METTL24: variants seen among roughly 807,000 people sequenced by gnomAD.
METTL24 encodes probable methyltransferase-like protein 24.
METTL24 carries 29 observed loss-of-function variants against 32.7 expected under a neutral mutation model. That is an observed-to-expected ratio of 0.89 (90% CI 0.66 to 1.21). METTL24 has a LOEUF of 1.21. Among genes scored for constraint, METTL24 ranks in the 50% most tolerant of loss-of-function variants. The pLI, the probability that METTL24 is intolerant of heterozygous loss-of-function variation, is 0.00. For missense variants in METTL24, 439 were observed against 468.1 expected (o/e 0.94, Z 0.57); for synonymous variants, 163 against 179.5 (o/e 0.91, Z 0.73).
rs145945852 is a variant in METTL24, at chr6:110,250,365, G to A, written c.787-4105C>T. Among the ~76,000 whole-genome samples, 17 of 151,964 alleles carry A rather than the reference G, an allele frequency of 1.1e-4. No individual in the cohort carries two copies. The East Asian group carries it at 3.3e-3, about 29-fold the overall frequency. ...TTCATCTTCACATGGTGTTCTCTCT[G>A]TGTGTCCAAATTTCCTCTTTTTATA... On this transcript the variant is annotated intron_variant, in intron 4 of 4. Coordinates refer to ENST00000338882, the MANE Select transcript of METTL24 (RefSeq NM_001123364.3).
rs1056133765 is a variant in METTL24, at chr6:110,320,434, G to A, written c.417+2340C>T. 3.3e-5 allele frequency among the ~76,000 whole-genome samples: 5 copies of A among 152,256 alleles called. No homozygotes were observed. The East Asian group carries it at 9.7e-4, about 30-fold the overall frequency. On this transcript the variant is annotated intron_variant, in intron 2 of 4. Coordinates refer to ENST00000338882, the MANE Select transcript of METTL24 (RefSeq NM_001123364.3). Reference sequence around the variant, plus strand: ...GGAGCATTGGTTAGTAAAAGATTCTGATTAAGAACCATTTAGTGTCATCTC... The same window carrying A: ...GGAGCATTGGTTAGTAAAAGATTCTAATTAAGAACCATTTAGTGTCATCTC...
rs148029077 is a variant in METTL24, at chr6:110,253,604, T to C, written c.787-7344A>G. Among the ~76,000 whole-genome samples, 1,163 of 152,272 alleles carry C rather than the reference T, an allele frequency of 7.6e-3. 8 individuals are homozygous for C. The highest frequency in any genetic ancestry group is 0.027 in the African/African-American group (1,111 of 41,546). On this transcript the variant is annotated intron_variant, in intron 4 of 4. Coordinates refer to ENST00000338882, the MANE Select transcript of METTL24 (RefSeq NM_001123364.3). ...CAATACATGGTCATTATTTAAAAAT[T>C]AAAATCATAGATAAACAAAAAAAGA...
At chr6:110,315,829 G>A (rs1771810173) in intron 2 of METTL24, among the ~76,000 whole-genome samples, 1 of 152,158 alleles carries the variant, frequency 6.6e-6, no homozygotes, top group Admixed American at 6.5e-5. Flanking sequence ...TAGTCCTGGA[G>A]GATGAACCGA....
chr6:110,307,366 C>A (rs1421716824), intron 3 of METTL24, among the ~76,000 whole-genome samples: 1 of 152,146 alleles, frequency 6.6e-6, no homozygotes, highest in Non-Finnish European at 1.5e-5. Context: ...AAATCATGTT[C>A]TGCTGCTATT....
intron 4 of METTL24, among the ~76,000 whole-genome samples, chr6:110,291,340 G>A (rs1481958313): frequency 1.3e-5 from 2 of 151,916 alleles, no homozygotes; most frequent in Admixed American, 6.6e-5. Flanking sequence ...TTATGTTTAG[G>A]TCTATGTTCC....
At chr6:110,301,866 T>TA (rs2114734266) in intron 3 of METTL24, among the ~76,000 whole-genome samples, 1 of 152,312 alleles carries the variant, frequency 6.6e-6, no homozygotes, top group Admixed American at 6.5e-5. Context: ...CAGAATATTG[T>TA]AGAACTCACC....
rs113847391 is a variant in METTL24 at position 110,286,728 on chromosome 6, T to G, written c.786+12194A>C. On this transcript the variant is annotated intron_variant, in intron 4 of 4. Coordinates refer to ENST00000338882, the MANE Select transcript of METTL24 (RefSeq NM_001123364.3). The stretch of plus-strand genomic sequence containing the variant: ...ATCCTGGGTGTGTCTGTGAGGGTGC[T>G]GCCAAAGGAGATTAACATTTGAGTC... Among the ~76,000 whole-genome samples the G allele has an allele frequency of 9.1e-3, 1,387 of 152,308 alleles. 27 individuals are homozygous for G. The highest frequency in any genetic ancestry group is 0.031 in the African/African-American group (1,274 of 41,566).
At chr6:110,277,467 C>A (rs1049410847) in intron 4 of METTL24, among the ~76,000 whole-genome samples, 6 of 152,160 alleles carry the variant, frequency 3.9e-5, no homozygotes, top group African/African-American at 1.4e-4. Flanking sequence ...GAATGTTATA[C>A]CCCTCCATGA....
chr6:110,302,615 G>GTA lies in METTL24; in HGVS notation c.558-3467_558-3466dup, dbSNP rs574227577. ...TATACACATATACACACACATATGT[G>GTA]TATATATATACACATATACACACAC... On this transcript the variant is annotated intron_variant, in intron 3 of 4. Coordinates refer to ENST00000338882, the MANE Select transcript of METTL24 (RefSeq NM_001123364.3). Among the ~76,000 whole-genome samples the GTA allele has an allele frequency of 6.2e-5, 5 of 81,018 alleles. 1 individual carries two copies. The highest frequency in any genetic ancestry group is 1.2e-4 in the African/African-American group (1 of 8,604). 53.2% of individuals were successfully genotyped at this position (81,018 alleles called of 152,430 possible).
intron 4 of METTL24, among the ~76,000 whole-genome samples, chr6:110,264,437 A>G (rs1370819489): frequency 1.3e-5 from 2 of 152,178 alleles, no homozygotes; most frequent in African/African-American, 4.8e-5. Context: ...ATCTCACACC[A>G]GTTAGAATGG....
intron 4 of METTL24, among the ~76,000 whole-genome samples, chr6:110,252,475 G>A (rs191079382): frequency 1.3e-5 from 2 of 152,180 alleles, no homozygotes; most frequent in African/African-American, 4.8e-5. Context: ...CTCCTTAAAG[G>A]CCCTATCTCT....
At chr6:110,261,392 G>T (rs544362819) in intron 4 of METTL24, among the ~76,000 whole-genome samples, 50 of 152,218 alleles carry the variant, frequency 3.3e-4, no homozygotes, top group Non-Finnish European at 6.5e-4. Context: ...AATAGCAAAG[G>T]TATCAATTCA....
chr6:110,332,956 G>A (rs1314648565), intron 1 of METTL24, among the ~76,000 whole-genome samples: 1 of 150,432 alleles, frequency 6.6e-6, no homozygotes, highest in African/African-American at 2.4e-5. Flanking sequence ...AGGGAATTTA[G>A]AAAAACACTA....
At chr6:110,256,777 T>C (rs557072234) in intron 4 of METTL24, among the ~76,000 whole-genome samples, 1 of 152,334 alleles carries the variant, frequency 6.6e-6, no homozygotes, top group African/African-American at 2.4e-5. Flanking sequence ...GTCTTGATTT[T>C]CAACTCTTTA....
intron 4 of METTL24, among the ~76,000 whole-genome samples, chr6:110,293,897 T>C (rs576839746): frequency 1.3e-5 from 2 of 150,310 alleles, no homozygotes; most frequent in Non-Finnish European, 3.0e-5. Context: ...GCTCTAATCT[T>C]TTTTTTTTAA....
intron 1 of METTL24, among the ~76,000 whole-genome samples, chr6:110,344,698 A>G (rs1297814314): frequency 6.6e-6 from 1 of 152,230 alleles, no homozygotes; most frequent in African/African-American, 2.4e-5. Flanking sequence ...TCTCTATTCA[A>G]TAAATGTTGT....
At chr6:110,289,961 C>G (rs926509412) in intron 4 of METTL24, among the ~76,000 whole-genome samples, 1 of 151,882 alleles carries the variant, frequency 6.6e-6, no homozygotes, top group African/African-American at 2.4e-5. Context: ...TGGTCAATTA[C>G]TTTTTTTTCT....
chr6:110,332,546 C>T (rs1435356195), intron 1 of METTL24: 1 of 928,610 alleles, frequency 1.1e-6, no homozygotes, highest in South Asian at 5.0e-5. Context: ...TTATGGGTTT[C>T]ATTGAGGTAG....
chr6:110,293,900 T>C (rs1002783445), intron 4 of METTL24, among the ~76,000 whole-genome samples: 2 of 152,042 alleles, frequency 1.3e-5, no homozygotes, highest in African/African-American at 4.8e-5. Flanking sequence ...CTAATCTTTT[T>C]TTTTTAATGG....
Sources: gnomAD v4.1 joint callset for allele counts (sites outside exome capture counted in the v4.1 genomes callset) on GRCh38, gnomAD v4.1.1 for gene constraint, MANE v1.5 for transcripts, NCBI Gene and HGNC (gene_info 2026-07-23, HGNC 2026-07-21) for gene names.